The following COBL variants were observed in gnomAD, a reference collection of about 807,000 sequenced individuals.
The protein encoded by COBL is protein cordon-bleu.
COBL carries 51 observed loss-of-function variants against 98.8 expected under a neutral mutation model. That is an observed-to-expected ratio of 0.52 (90% CI 0.41 to 0.65). The LOEUF is 0.65. Ranked by LOEUF, COBL falls within the 30% of genes least tolerant of loss-of-function variation. COBL has a pLI of 0.00. For synonymous variants in COBL, 634 were observed against 651.7 expected, an observed-to-expected ratio of 0.97 and a Z score of 0.41; for missense variants, 1,617 against 1,617.5, an observed-to-expected ratio of 1.00 and a Z score of 0.01.
intron 1 of COBL, among the ~76,000 whole-genome samples, chr7:51,255,663 CCT>C (rs1294884566): frequency 6.6e-6 from 1 of 152,172 alleles, no homozygotes; most frequent in Non-Finnish European, 1.5e-5. Flanking sequence ...ATCACTTCCT[CCT>C]GGCAAAAACA....
chr7:51,092,714 G>C (rs578074807), intron 6 of COBL, among the ~76,000 whole-genome samples: 1 of 152,156 alleles, frequency 6.6e-6, no homozygotes, highest in Admixed American at 6.5e-5. Context: ...CGAAATCAGG[G>C]AGTGTGATGC....
At chr7:51,316,570 C>A (rs1584485001) in intron 1 of COBL, 23 bp downstream of exon 1, 1 of 1,208,674 alleles carries the variant, frequency 8.3e-7, no homozygotes, top group Non-Finnish European at 1.0e-6. Context: ...CTCTCCACCC[C>A]GCCCGACCGC....
chr7:51,067,561 C>T (rs748129785), intron 7 of COBL, among the ~76,000 whole-genome samples: 41 of 152,304 alleles, frequency 2.7e-4, no homozygotes, highest in Non-Finnish European at 4.4e-4. Context: ...TACACATACA[C>T]ACACATCCCT....
At chr7:51,075,157 A>T (rs1792946796) in intron 7 of COBL, among the ~76,000 whole-genome samples, 1 of 152,212 alleles carries the variant, frequency 6.6e-6, no homozygotes, top group Non-Finnish European at 1.5e-5. Context: ...TGTACAACTC[A>T]ATTTTTTCTG....
At chr7:51,174,225 G>A (rs541322850) in intron 5 of COBL, among the ~76,000 whole-genome samples, 7 of 152,066 alleles carry the variant, frequency 4.6e-5, no homozygotes, top group African/African-American at 9.7e-5. Flanking sequence ...GCATTTACCC[G>A]CACTATGCTC....
chr7:51,044,071 A>C (rs1303246545), intron 7 of COBL, among the ~76,000 whole-genome samples: 1 of 152,246 alleles, frequency 6.6e-6, no homozygotes, highest in Non-Finnish European at 1.5e-5. Flanking sequence ...TTAGAAAAAC[A>C]TTAAGACAAT....
rs778118572 is a variant in COBL at position 51,259,286 on chromosome 7, C to CAA, written c.42-39344_42-39343dup. ...TGGGGAACAGAGTGAGACTCCAGCTCAAAAAAAAAAAAAAAAAAGAGTAAC... is the reference window on the plus strand; with the variant it reads ...TGGGGAACAGAGTGAGACTCCAGCTCAAAAAAAAAAAAAAAAAAAAGAGTAAC... On this transcript the variant is annotated intron_variant, in intron 1 of 12. Transcript: ENST00000265136. The CAA allele has an allele frequency of 1.7e-3, 134 of 76,678 alleles. No homozygotes were observed. The South Asian group carries it at 0.018, about 10-fold the overall frequency. The allele number at this position is 76,678 out of a possible 1,614,324, so 4.7% of individuals were successfully genotyped here.
rs144847494 is a variant in COBL, at chr7:51,053,739, G to A, written c.1097-10047C>T. ...CTCCCCACCTGGCACAGGGCCCCTC[G>A]GCCGGGCCCGGCCAATCTTAGCTTC... On this transcript the variant is annotated intron_variant, in intron 7 of 12. Coordinates refer to ENST00000265136, the MANE Select transcript of COBL (RefSeq NM_015198.5). 3.7e-3 allele frequency among the ~76,000 whole-genome samples: 571 copies of A among 152,300 alleles called. 4 individuals are homozygous for A. Among genetic ancestry groups the A allele is most frequent in the African/African-American group, 0.013 (540 of 41,576 alleles).
chr7:51,041,901 T>G (rs1789235427), intron 8 of COBL, among the ~76,000 whole-genome samples: 1 of 152,102 alleles, frequency 6.6e-6, no homozygotes, highest in South Asian at 2.1e-4. Flanking sequence ...TTCTATATAA[T>G]AAAGAAAGGA....
rs1481296364 is a variant in COBL at position 51,031,846 on chromosome 7, A to G, written c.1407-937T>C. 4 of 152,264 alleles carry G rather than the reference A, an allele frequency of 2.6e-5. No homozygotes were observed. In the South Asian group the frequency reaches 8.3e-4, roughly 31 times the overall value. The allele number at this position is 152,264 out of a possible 1,614,324, so 9.4% of individuals were successfully genotyped here. On this transcript the variant is annotated intron_variant, in intron 8 of 12. Coordinates refer to ENST00000265136, the MANE Select transcript of COBL (RefSeq NM_015198.5). ...GAATCTTGAACTGGGACATAAGGAC[A>G]ATAAGGATGGCCAAAAAACCTCACA...
intron 5 of COBL, among the ~76,000 whole-genome samples, chr7:51,182,970 AAAC>A (rs1418069616): frequency 6.6e-6 from 1 of 152,116 alleles, no homozygotes; most frequent in African/African-American, 2.4e-5. Context: ...CTCCCTTCCC[AAAC>A]ACCACAGGGC....
rs191531955 is a variant in COBL at position 51,085,898 on chromosome 7, G to A, written c.958-594C>T. Among the ~76,000 whole-genome samples the A allele has an allele frequency of 2.0e-4, 30 of 152,194 alleles. No homozygotes were observed. In the East Asian group the frequency reaches 5.2e-3, roughly 26 times the overall value. On this transcript the variant is annotated intron_variant, in intron 6 of 12. Coordinates refer to ENST00000265136, the MANE Select transcript of COBL (RefSeq NM_015198.5). ...TTCTTAGTATATGGGTTATTAGATC[G>A]GTGTATGGGACATTAGCCCCCAACC...
intron 2 of COBL, among the ~76,000 whole-genome samples, chr7:51,211,322 G>C (rs772435766): frequency 2.0e-5 from 3 of 152,200 alleles, no homozygotes; most frequent in Admixed American, 6.5e-5. Flanking sequence ...TGGAATCCTG[G>C]TACCACTGCT....
rs116085664 is a variant in COBL, at chr7:51,244,235, C to T, written c.42-24291G>A. On this transcript the variant is annotated intron_variant, in intron 1 of 12. Transcript: ENST00000265136. ...AATGTAAACACAAGAATAGGCCGCACTCCAAGGAGAATGTCTAAGTCCTCT... is the reference window on the plus strand; with the variant it reads ...AATGTAAACACAAGAATAGGCCGCATTCCAAGGAGAATGTCTAAGTCCTCT... Among the ~76,000 whole-genome samples, 809 of 152,294 alleles carry T rather than the reference C, an allele frequency of 5.3e-3. 6 individuals are homozygous for T. Among genetic ancestry groups the T allele is most frequent in the African/African-American group, 0.019 (782 of 41,560 alleles).
chr7:51,050,938 A>G (rs536980070), intron 7 of COBL, among the ~76,000 whole-genome samples: 2 of 152,314 alleles, frequency 1.3e-5, no homozygotes, highest in East Asian at 3.9e-4. Flanking sequence ...ACATTATGGT[A>G]TTTCTATTAT....
At chr7:51,198,570 T>C (rs1790808315) in intron 2 of COBL, among the ~76,000 whole-genome samples, 2 of 152,254 alleles carry the variant, frequency 1.3e-5, no homozygotes, top group African/African-American at 2.4e-5. Flanking sequence ...TTTCTATTTA[T>C]TTAAAGCTAA....
chr7:51,140,262 A>G (rs149640635), intron 5 of COBL, among the ~76,000 whole-genome samples: 16 of 152,270 alleles, frequency 1.1e-4, no homozygotes, highest in Non-Finnish European at 2.4e-4. Context: ...TTCAATGGAT[A>G]GTCGAATTCA....
intron 6 of COBL, among the ~76,000 whole-genome samples, chr7:51,102,974 AGATCCGCTGCACAGGCTGTGCTCAGAGT>A (rs1795940713): frequency 6.6e-6 from 1 of 152,222 alleles, no homozygotes; most frequent in African/African-American, 2.4e-5. Flanking sequence ...TAAGCTCTAG[AGATCCGCTGCACAGGCTGTGCTCAGAGT>A]GACAACACTC....
intron 1 of COBL, among the ~76,000 whole-genome samples, chr7:51,239,188 T>C (rs1795544817): frequency 6.6e-6 from 1 of 152,084 alleles, no homozygotes; most frequent in Non-Finnish European, 1.5e-5. Flanking sequence ...TGGGTAAAAT[T>C]AGGCTGAGAC....
Sources: gnomAD v4.1 joint callset for allele counts (sites outside exome capture counted in the v4.1 genomes callset) on GRCh38, gnomAD v4.1.1 for gene constraint, MANE v1.5 for transcripts, NCBI Gene and HGNC (gene_info 2026-07-23, HGNC 2026-07-21) for gene names.